PODXL: variants seen among roughly 807,000 people sequenced by gnomAD.
The protein encoded by PODXL is podocalyxin.
PODXL carries 20 observed loss-of-function variants against 48.9 expected under a neutral mutation model. The ratio of observed to expected loss-of-function variants is 0.41; its 90% confidence interval spans 0.29 to 0.59. PODXL has a LOEUF of 0.59. Ranked by LOEUF, PODXL falls within the 20% of genes least tolerant of loss-of-function variation. PODXL has a pLI of 0.31. For missense variants in PODXL, 606 were observed against 675.1 expected, an observed-to-expected ratio of 0.90 and a Z score of 1.13; for synonymous variants, 295 against 287.4, an observed-to-expected ratio of 1.03 and a Z score of -0.27.
At chr7:131,510,724 G>T in intron 2 of PODXL, 104 bp downstream of exon 2, 2 of 1,374,344 alleles carry the variant, frequency 1.5e-6, no homozygotes, top group Non-Finnish European at 1.0e-6. Flanking sequence ...CACCTGTCTC[G>T]GCCTCCCAAA....
rs1797781976 is a variant in PODXL at position 131,505,457 on chromosome 7, G to A, written c.1479+411C>T. On this transcript the variant is annotated intron_variant, in intron 8 of 8. Transcript: ENST00000378555. ...AGGTCAGGAGTTCGAGACTAGCCTG[G>A]CCAACATGGCGAAACCCCATCTCTA... 3.3e-5 allele frequency among the ~76,000 whole-genome samples: 5 copies of A among 152,012 alleles called. No individual in the cohort carries two copies. The South Asian group carries it at 1.0e-3, about 32-fold the overall frequency.
At chr7:131,533,452 G>T (rs1050156064) in intron 1 of PODXL, among the ~76,000 whole-genome samples, 5 of 152,142 alleles carry the variant, frequency 3.3e-5, no homozygotes, top group Non-Finnish European at 7.4e-5. Flanking sequence ...GGCCTGCCCG[G>T]CACCCGCTGC....
chr7:131,550,118 C>T (rs1798646082), intron 1 of PODXL, among the ~76,000 whole-genome samples: 2 of 152,216 alleles, frequency 1.3e-5, no homozygotes. Context: ...ATTTCTTAAC[C>T]ACCTATTTGG....
In PODXL at chr7:131,549,059, C is replaced by T. The variant is rs185267211; in HGVS notation, c.100+7201G>A. 1.1e-3 allele frequency among the ~76,000 whole-genome samples: 165 copies of T among 152,218 alleles called. 1 individual carries two copies. The highest frequency in any genetic ancestry group is 1.4e-3 in the Non-Finnish European group (94 of 68,020). On this transcript the variant is annotated intron_variant, in intron 1 of 8. Coordinates refer to ENST00000378555, the MANE Select transcript of PODXL (RefSeq NM_001018111.3). ...TGCCCTCATGGAACTTACAGTCTAACGGGGAAGAGACAGACAAACAAACAA... is the reference window on the plus strand; with the variant it reads ...TGCCCTCATGGAACTTACAGTCTAATGGGGAAGAGACAGACAAACAAACAA...
In PODXL at chr7:131,509,547, T is replaced by C; in HGVS notation, c.841A>G (p.Ser281Gly). The change falls in exon 4 of 9, where the codon AGT becomes GGT. Residue 281 changes from serine to glycine, a missense_variant. Transcript: ENST00000378555. Reference sequence around the variant, plus strand: ...GCCGTAGAGCTGGCTGGCATCTGACTGGAGGTCTGTTGAGTTCTTTGCGAG... The same window carrying C: ...GCCGTAGAGCTGGCTGGCATCTGACCGGAGGTCTGTTGAGTTCTTTGCGAG... ...VISQRTQQTSSQMPASSTAPS... is the reference protein window; with the variant it reads ...VISQRTQQTSGQMPASSTAPS... 1 of 1,594,100 alleles carries C rather than the reference T, an allele frequency of 6.3e-7. No individual in the cohort carries two copies. The highest frequency in any genetic ancestry group is 1.3e-5 in the African/African-American group (1 of 74,232).
intron 1 of PODXL, among the ~76,000 whole-genome samples, chr7:131,536,248 A>G (rs781330763): frequency 1.3e-5 from 2 of 152,192 alleles, no homozygotes; most frequent in Non-Finnish European, 2.9e-5. Context: ...CCACTTAAAA[A>G]CTAAGATAGA....
Position 131,511,142 on chromosome 7 carries a change from G to A in PODXL, c.392C>T (p.Thr131Ile), listed in dbSNP as rs764047432. 5.0e-6 allele frequency: 8 copies of A among 1,613,920 alleles called. No homozygotes were observed. The South Asian group carries it at 6.6e-5, about 13-fold the overall frequency. The change falls in exon 2 of 9, where the codon ACC (threonine) becomes ATC (isoleucine). Residue 131 changes from threonine to isoleucine, a missense_variant. Coordinates refer to ENST00000378555, the MANE Select transcript of PODXL (RefSeq NM_001018111.3). ...GGCTGTGGAGGTTGCAACTGTAGTG[G>A]TGTCTGCACTTTTTGTGCTCTTGGG... ...ESPKSTKSAD[T>I]TTVATSTATA...
intron 1 of PODXL, among the ~76,000 whole-genome samples, chr7:131,529,092 T>G (rs200573499): frequency 2.0e-3 from 83 of 41,568 alleles, no homozygotes; most frequent in African/African-American, 2.7e-3. Flanking sequence ...GATGAGAAAA[T>G]GTTGAGAAAC....
intron 1 of PODXL, among the ~76,000 whole-genome samples, chr7:131,535,358 CCA>C (rs142765488): frequency 4.0e-5 from 6 of 151,884 alleles, no homozygotes; most frequent in Admixed American, 2.6e-4. Context: ...GTCAATTGGA[CCA>C]CACACACACA....
chr7:131,551,316 T>C (rs1798664207), intron 1 of PODXL, among the ~76,000 whole-genome samples: 1 of 152,030 alleles, frequency 6.6e-6, no homozygotes, highest in South Asian at 2.1e-4. Context: ...CCAGCTGAGC[T>C]CCCTGCCCTG....
chr7:131,532,391 G>A (rs1330300627), intron 1 of PODXL, among the ~76,000 whole-genome samples: 13 of 149,568 alleles, frequency 8.7e-5, no homozygotes, highest in Admixed American at 6.0e-4. Context: ...AGCTGAGATC[G>A]CGCCACTGCA....
At chr7:131,552,365 T>TG (rs1184145610) in intron 1 of PODXL, among the ~76,000 whole-genome samples, 1 of 152,000 alleles carries the variant, frequency 6.6e-6, no homozygotes, top group Non-Finnish European at 1.5e-5. Context: ...TGGCTAGGAG[T>TG]GGCTCTTCCC....
chr7:131,513,707 C>T (rs1439409407), intron 1 of PODXL, among the ~76,000 whole-genome samples: 2 of 152,208 alleles, frequency 1.3e-5, no homozygotes, highest in Admixed American at 6.5e-5. Context: ...TGGGCCGCAG[C>T]GCCACCTAGT....
At chr7:131,508,692 A>T (rs1797851963) in intron 5 of PODXL, among the ~76,000 whole-genome samples, 1 of 105,044 alleles carries the variant, frequency 9.5e-6, no homozygotes, top group African/African-American at 3.8e-5. Context: ...CACACAGTGA[A>T]AGCCGAGGAA....
chr7:131,505,659 C>T (rs905260424), intron 8 of PODXL, among the ~76,000 whole-genome samples: 39 of 152,114 alleles, frequency 2.6e-4, no homozygotes, highest in African/African-American at 9.4e-4. Flanking sequence ...TAAGTCTTCC[C>T]GACTCCAAAG....
At chr7:131,527,583 G>T (rs1798207638) in intron 1 of PODXL, among the ~76,000 whole-genome samples, 1 of 152,168 alleles carries the variant, frequency 6.6e-6, no homozygotes, top group Admixed American at 6.5e-5. Flanking sequence ...CAGTTTCAGT[G>T]GGCACAGTGC....
Position 131,542,786 on chromosome 7 carries a change from G to A in PODXL, c.100+13474C>T, listed in dbSNP as rs60651874. On this transcript the variant is annotated intron_variant, in intron 1 of 8. Transcript: ENST00000378555. ...TTCTCGTCTGGAAAGCATGTACAGC[G>A]CCAGTTAGAGCCTCCCTCCCTCTAG... Among the ~76,000 whole-genome samples, 286 of 152,272 alleles carry A rather than the reference G, an allele frequency of 1.9e-3. 13 individuals are homozygous for A. The East Asian group carries it at 0.048, about 26-fold the overall frequency.
In PODXL at chr7:131,556,291, C is replaced by CGACGGT. The variant is rs753669140; in HGVS notation, c.68_69insACCGTC (p.Pro30_Ser31dup). The CGACGGT allele has an allele frequency of 6.7e-7, 1 of 1,494,868 alleles. No individual in the cohort carries two copies. Among genetic ancestry groups the CGACGGT allele is most frequent in the Non-Finnish European group, 8.9e-7 (1 of 1,125,690 alleles). 92.6% of individuals were successfully genotyped at this position (1,494,868 alleles called of 1,614,324 possible). On this transcript the variant is annotated inframe_insertion, in exon 1 of 9. Transcript: ENST00000378555. ...GGGAGGGCGACGGCGACGGCGACGG[C>CGACGGT]GACGACGGCAGCAGCGGCGGCGTTG...
At chr7:131,533,372 C>A (rs1033354868) in intron 1 of PODXL, among the ~76,000 whole-genome samples, 17 of 152,186 alleles carry the variant, frequency 1.1e-4, no homozygotes, top group African/African-American at 3.6e-4. Context: ...AGAGCTGCCC[C>A]CTTAGGGGAG....
Sources: allele counts gnomAD v4.1 joint callset (sites outside exome capture counted in the v4.1 genomes callset), GRCh38; gene constraint gnomAD v4.1.1; transcripts MANE v1.5; gene names NCBI Gene and HGNC (gene_info 2026-07-23, HGNC 2026-07-21).